SGTA: variants seen among roughly 807,000 people sequenced by gnomAD.
The protein encoded by SGTA is small glutamine rich tetratricopeptide repeat co-chaperone alpha.
Under a neutral mutation model 44.3 loss-of-function variants are expected in SGTA, and 22 were observed. That is an observed-to-expected ratio of 0.50 (90% CI 0.36 to 0.71). SGTA has a LOEUF of 0.71. Ranked by LOEUF, SGTA falls within the 30% of genes least tolerant of loss-of-function variation. The pLI, the probability that SGTA is intolerant of heterozygous loss-of-function variation, is 0.00. For synonymous variants in SGTA, 174 were observed against 177.6 expected (o/e 0.98, Z 0.16); for missense variants, 341 against 435.9 (o/e 0.78, Z 1.94).
intron 11 of SGTA, among the ~76,000 whole-genome samples, chr19:2,756,560 G>C (rs1599494685): frequency 6.6e-6 from 1 of 152,166 alleles, no homozygotes; most frequent in African/African-American, 2.4e-5. Flanking sequence ...GAGTGTATAT[G>C]AGGAGGGGAC....
intron 1 of SGTA, among the ~76,000 whole-genome samples, chr19:2,774,701 C>T (rs1467688447): frequency 1.3e-5 from 2 of 152,118 alleles, no homozygotes; most frequent in African/African-American, 4.8e-5. Context: ...TGAACATTGG[C>T]AAACTCCTGG....
chr19:2,762,616 C>G lies in SGTA; in HGVS notation c.526G>C (p.Val176Leu). ...TTCTTGTAGTAAGCCACGGCCTCCACGTGCTTGTTGAGGCTGGAGAGCGCC... is the reference window on the plus strand; with the variant it reads ...TTCTTGTAGTAAGCCACGGCCTCCAGGTGCTTGTTGAGGCTGGAGAGCGCC... The part of the protein sequence containing the change: ...GLALSSLNKH[V>L]EAVAYYKKAL... The change falls in exon 7 of 12, where the codon GTG becomes CTG. Residue 176 changes from valine to leucine, a missense_variant. Val to Leu is a conservative substitution (Grantham distance 32). Coordinates refer to ENST00000221566, the MANE Select transcript of SGTA (RefSeq NM_003021.4). The G allele has an allele frequency of 1.2e-6, 2 of 1,614,044 alleles. No individual in the cohort carries two copies. The highest frequency in any genetic ancestry group is 1.7e-6 in the Non-Finnish European group (2 of 1,179,988).
At position 2,765,387 on chromosome 19, in the gene SGTA, G is replaced by T; in HGVS notation, c.293-102C>A. 1 of 843,720 alleles carries T rather than the reference G, an allele frequency of 1.2e-6. No homozygotes were observed. Among genetic ancestry groups the T allele is most frequent in the Non-Finnish European group, 1.9e-6 (1 of 519,780 alleles). 52.3% of individuals were successfully genotyped at this position (843,720 alleles called of 1,614,324 possible). On this transcript the variant is annotated intron_variant, in intron 4 of 11. Coordinates refer to ENST00000221566, the MANE Select transcript of SGTA (RefSeq NM_003021.4). This position sits in a 1 kb window ranked among gnomAD's most constrained non-coding sequence, Gnocchi z 5.5. ...GCCTGGTGTCCACACAGACCCGAGG[G>T]GGCGTCACACTTGGCTCTTCTGGGC...
At chr19:2,782,848 A>G (rs1243512221) in intron 1 of SGTA, among the ~76,000 whole-genome samples, 1 of 152,326 alleles carries the variant, frequency 6.6e-6, no homozygotes, top group South Asian at 2.1e-4. Flanking sequence ...CGCTGGAACC[A>G]GAGTTCCGAC....
chr19:2,782,215 C>A (rs1315152358), intron 1 of SGTA, among the ~76,000 whole-genome samples: 1 of 152,142 alleles, frequency 6.6e-6, no homozygotes, highest in African/African-American at 2.4e-5. Flanking sequence ...ACCAGGGGGT[C>A]CCCCAAATCA....
chr19:2,777,944 G>C (rs1346088171), intron 1 of SGTA: 1 of 151,444 alleles, frequency 6.6e-6, no homozygotes, highest in Non-Finnish European at 1.5e-5. Flanking sequence ...TTGAACCTGG[G>C]AGGTGGAGAC....
At position 2,762,781 on chromosome 19, in the gene SGTA, G is replaced by A. The variant is rs554935822; in HGVS notation, c.498-137C>T. 3.0e-4 allele frequency: 305 copies of A among 1,004,780 alleles called. 3 individuals are homozygous for A. The African/African-American group carries it at 4.2e-3, about 14-fold the overall frequency. The allele number at this position is 1,004,780 out of a possible 1,614,324, so 62.2% of individuals were successfully genotyped here. Reference sequence around the variant, plus strand: ...CCACCCCCTGCCCGCTGTCAGCTCAGTGGAGACAAACCTGGCTTTCGAGGG... The same window carrying A: ...CCACCCCCTGCCCGCTGTCAGCTCAATGGAGACAAACCTGGCTTTCGAGGG... On this transcript the variant is annotated intron_variant, in intron 6 of 11. Coordinates refer to ENST00000221566, the MANE Select transcript of SGTA (RefSeq NM_003021.4).
At position 2,767,074 on chromosome 19, in the gene SGTA, G is replaced by T. The variant is rs76122854; in HGVS notation, c.292+62C>A. 0.011 allele frequency: 14,384 copies of T among 1,275,626 alleles called. 194 individuals are homozygous for T. The highest frequency in any genetic ancestry group is 0.05 in the East Asian group (2,019 of 39,996). 79.0% of individuals were successfully genotyped at this position (1,275,626 alleles called of 1,614,324 possible). ...CAGGGACCAGCTGGCCTCTGCGAGG[G>T]TCCCACAGCCCCGGAGTCCAGGTAG... is the stretch of plus-strand genomic sequence containing the variant. On this transcript the variant is annotated intron_variant, in intron 4 of 11. Transcript: ENST00000221566. This position sits in a 1 kb window ranked among gnomAD's most constrained non-coding sequence, Gnocchi z 7.3.
chr19:2,771,817 T>C (rs1166115491), intron 1 of SGTA, among the ~76,000 whole-genome samples: 1 of 152,224 alleles, frequency 6.6e-6, no homozygotes, highest in Non-Finnish European at 1.5e-5. Flanking sequence ...GGGGCAGCCC[T>C]TGGGGAGGCC....
In SGTA at chr19:2,767,490, G is replaced by A. The variant is rs1915178221; in HGVS notation, c.207+90C>T. The A allele has an allele frequency of 6.5e-6, 7 of 1,078,192 alleles. No individual in the cohort carries two copies. Among genetic ancestry groups the A allele is most frequent in the South Asian group, 4.0e-5 (3 of 75,614 alleles). 66.8% of individuals were successfully genotyped at this position (1,078,192 alleles called of 1,614,324 possible). A position where few individuals can be genotyped will look rare whatever the true frequency, so the allele number is the denominator to read the frequency against. On this transcript the variant is annotated intron_variant, in intron 3 of 11. Transcript: ENST00000221566. This position sits in a 1 kb window ranked among gnomAD's most constrained non-coding sequence, Gnocchi z 7.3. ...GGATGCAGGCAGAGTGCTGGGGGAC[G>A]ATGAGAGCGGGGCTCCTGGGGTCCC...
intron 1 of SGTA, among the ~76,000 whole-genome samples, chr19:2,769,681 G>A (rs1336867620): frequency 6.6e-6 from 1 of 152,128 alleles, no homozygotes; most frequent in Non-Finnish European, 1.5e-5. Context: ...TCCCCCCAGG[G>A]ACTTCTTGGG....
rs1452688680 is a variant in SGTA, at chr19:2,757,796, C to T, written c.738-14G>A. The T allele has an allele frequency of 3.9e-6, 6 of 1,543,334 alleles. No individual in the cohort carries two copies. The highest frequency in any genetic ancestry group is 5.3e-6 in the Non-Finnish European group (6 of 1,142,842). ...ATGCCGGACATGCTGCAGGAGAGAG[C>T]GCGTGACTCGCAGCCGGGACAGCCT... On this transcript the variant is annotated splice_polypyrimidine_tract_variant and intron_variant, in intron 9 of 11. Coordinates refer to ENST00000221566, the MANE Select transcript of SGTA (RefSeq NM_003021.4).
At chr19:2,771,715 C>T (rs1276362175) in intron 1 of SGTA, among the ~76,000 whole-genome samples, 3 of 152,234 alleles carry the variant, frequency 2.0e-5, no homozygotes, top group East Asian at 3.8e-4. Context: ...AAACGCTGCC[C>T]GGCTGTGCAG....
At chr19:2,768,730 G>C (rs1915217796) in intron 2 of SGTA, among the ~76,000 whole-genome samples, 1 of 152,270 alleles carries the variant, frequency 6.6e-6, no homozygotes, top group South Asian at 2.1e-4. Flanking sequence ...AGGCAGCTCA[G>C]CCTGAAGGCA....
At chr19:2,774,199 C>T (rs138170369) in intron 1 of SGTA, among the ~76,000 whole-genome samples, 11 of 152,348 alleles carry the variant, frequency 7.2e-5, no homozygotes, top group Non-Finnish European at 1.3e-4. Flanking sequence ...CATCTCAGGA[C>T]GCACCTCAGT....
chr19:2,779,976 C>G lies in SGTA; in HGVS notation c.-24+3257G>C, dbSNP rs577663005. Among the ~76,000 whole-genome samples the G allele has an allele frequency of 2.6e-5, 4 of 152,084 alleles. No homozygotes were observed. In the East Asian group the frequency reaches 7.7e-4, roughly 29 times the overall value. On this transcript the variant is annotated intron_variant, in intron 1 of 11. Transcript: ENST00000221566. ...TGGCGGCACACACTAGTAGTCCCAG[C>G]TACTTGGGAGGCTGAGGCGAGAGGA...
intron 11 of SGTA, among the ~76,000 whole-genome samples, chr19:2,756,232 A>AATAAAAGCTT (rs1332028597): frequency 1.3e-5 from 2 of 152,094 alleles, no homozygotes; most frequent in Non-Finnish European, 2.9e-5. Context: ...AGGAAAAATA[A>AATAAAAGCTT]ATAAAAGCTT....
Position 2,765,314 on chromosome 19 carries a change from G to C in SGTA, c.293-29C>G, listed in dbSNP as rs773944205. The C allele has an allele frequency of 9.0e-6, 14 of 1,548,520 alleles. No homozygotes were observed. The South Asian group carries it at 1.2e-4, about 14-fold the overall frequency. On this transcript the variant is annotated intron_variant, in intron 4 of 11. Transcript: ENST00000221566. This position sits in a 1 kb window ranked among gnomAD's most constrained non-coding sequence, Gnocchi z 5.5. ...CAGGGAGAGAGGAAAACACCGGCCC[G>C]GTGTCCACACAGACCGGAGGGGGTG...
intron 11 of SGTA, among the ~76,000 whole-genome samples, chr19:2,756,135 A>G (rs774593221): frequency 2.6e-5 from 4 of 152,166 alleles, no homozygotes; most frequent in Non-Finnish European, 5.9e-5. Context: ...GAACATCGCC[A>G]TGACCTAGAA....
Sources: allele counts gnomAD v4.1 joint callset (sites outside exome capture counted in the v4.1 genomes callset), GRCh38; gene constraint gnomAD v4.1.1; non-coding constraint Gnocchi (gnomAD v3.1); transcripts MANE v1.5; gene names NCBI Gene and HGNC (gene_info 2026-07-23, HGNC 2026-07-21).